Variants in COPB2 observed in about 807,000 individuals in gnomAD.
COPB2 encodes coat protein complex I subunit beta 2, also known as coatomer subunit beta'.
In COPB2, 16 loss-of-function variants were observed where a neutral mutation model predicts 120.8. That is an observed-to-expected ratio of 0.13 (90% CI 0.09 to 0.20). The LOEUF (loss-of-function observed/expected upper bound fraction) is 0.20. COPB2 is among the 10% of genes least tolerant of loss of function. The pLI is 1.00. For synonymous variants in COPB2, 332 were observed against 366.3 expected (o/e 0.91, Z 1.07); for missense variants, 794 against 1,076.5 (o/e 0.74, Z 3.67).
chr3:139,359,767 T>G (rs1941374911), intron 17 of COPB2, among the ~76,000 whole-genome samples: 1 of 152,054 alleles, frequency 6.6e-6, no homozygotes. Flanking sequence ...CAGAATACCA[T>G]GGTGTCTTAT....
At chr3:139,358,550 C>T (rs573338073) in intron 20 of COPB2, 194 bp downstream of exon 20, 17 of 605,512 alleles carry the variant, frequency 2.8e-5, no homozygotes, top group Admixed American at 1.8e-4. Flanking sequence ...CGGTGATGGG[C>T]GCCTGTAATT....
At chr3:139,371,139 G>A (rs1281177357) in intron 10 of COPB2, among the ~76,000 whole-genome samples, 1 of 152,116 alleles carries the variant, frequency 6.6e-6, no homozygotes, top group Non-Finnish European at 1.5e-5. Flanking sequence ...AGGAACCAGA[G>A]CCAATGACTA....
At position 139,369,242 on chromosome 3, in the gene COPB2, C is replaced by G; in HGVS notation, c.1401+19G>C. ...ACAAAAATAAATATTCCAAAAACAA[C>G]AATGGAGGGGAAACTCACATGTTTG... On this transcript the variant is annotated intron_variant, in intron 12 of 21. Coordinates refer to ENST00000333188, the MANE Select transcript of COPB2 (RefSeq NM_004766.3). 1 of 1,586,832 alleles carries G rather than the reference C, an allele frequency of 6.3e-7. No homozygotes were observed. Among genetic ancestry groups the G allele is most frequent in the Non-Finnish European group, 8.6e-7 (1 of 1,162,774 alleles).
chr3:139,383,352 C>T lies in COPB2; in HGVS notation c.87G>A (p.Trp29Ter). Residue 29 changes from tryptophan to a stop codon, truncating the protein, a stop_gained, in exon 2 of 22, where the codon TGG becomes TGA. Transcript: ENST00000333188. LOFTEE classifies it high-confidence loss of function. ...TGCCATTGTAAAGACTTGCCAACAT[C>T]CATGGCTCTGTAGGATGCAGATCCA... ...KSVDLHPTEPWMLASLYNGSV... is the reference protein window; with the variant it reads ...KSVDLHPTEP 1 of 1,613,396 alleles carries T rather than the reference C, an allele frequency of 6.2e-7. No individual in the cohort carries two copies. The highest frequency in any genetic ancestry group is 8.5e-7 in the Non-Finnish European group (1 of 1,179,724).
intron 5 of COPB2, among the ~76,000 whole-genome samples, chr3:139,375,996 C>A (rs1941706871): frequency 6.6e-6 from 1 of 152,122 alleles, no homozygotes; most frequent in East Asian, 1.9e-4. Flanking sequence ...CACCTGTAAT[C>A]CCAGCACTTT....
chr3:139,368,783 A>AGACCCC (rs1190603179), intron 12 of COPB2, among the ~76,000 whole-genome samples: 1 of 152,216 alleles, frequency 6.6e-6, no homozygotes, highest in Admixed American at 6.5e-5. Flanking sequence ...CTCTAGAACC[A>AGACCCC]GACCCCAGAA....
intron 16 of COPB2, among the ~76,000 whole-genome samples, chr3:139,361,686 T>C (rs1383436011): frequency 6.6e-6 from 1 of 152,212 alleles, no homozygotes; most frequent in Admixed American, 6.5e-5. Context: ...CACAATAATA[T>C]TATGTCTCAC....
chr3:139,383,810 AAAAT>A (rs60110187), intron 1 of COPB2, among the ~76,000 whole-genome samples: 57,463 of 141,876 alleles, frequency 0.41, 13,588 homozygotes, highest in Non-Finnish European at 0.56. Context: ...TCAAATAACA[AAAAT>A]AAATCCAGTA....
intron 14 of COPB2, 34 bp from the exon 15 acceptor site, chr3:139,366,809 A>G (rs1941526599): frequency 6.3e-7 from 1 of 1,599,718 alleles, no homozygotes; most frequent in African/African-American, 1.3e-5. Flanking sequence ...TTAGAAATTC[A>G]AATCTGCAAT....
At chr3:139,366,369 G>A (rs1941515053) in intron 15 of COPB2, among the ~76,000 whole-genome samples, 199 bp downstream of exon 15, 1 of 152,058 alleles carries the variant, frequency 6.6e-6, no homozygotes, top group African/African-American at 2.4e-5. Context: ...AACATTTAAA[G>A]GGGGCACTGA....
Position 139,357,907 on chromosome 3 carries a change from C to G in COPB2, c.2677G>C (p.Asp893His). The G allele has an allele frequency of 6.2e-7, 1 of 1,600,914 alleles. No individual in the cohort carries two copies. The highest frequency in any genetic ancestry group is 8.5e-7 in the Non-Finnish European group (1 of 1,170,624). The change falls in exon 22 of 22, where the codon GAC (aspartate) becomes CAC (histidine). Residue 893 changes from aspartate (D) to histidine (H), a missense_variant. By Grantham distance (81) the Asp-to-His change is moderately conservative. This residue lies in a region of COPB2 where 178 missense variants were observed against 183.2 expected (regional missense o/e 0.97). Coordinates refer to ENST00000333188, the MANE Select transcript of COPB2 (RefSeq NM_004766.3). Reference sequence around the variant, plus strand: ...TCATCCAGATTGATATCTGTTGTGTCAATATCTTCTAATTCCAAATTATCC... The same window carrying G: ...TCATCCAGATTGATATCTGTTGTGTGAATATCTTCTAATTCCAAATTATCC... Reference protein sequence around the residue: ...DLDNLELEDIDTTDINLDEDI... With the variant: ...DLDNLELEDIHTTDINLDEDI...
At chr3:139,389,116 G>A (rs1941996560) in intron 1 of COPB2, among the ~76,000 whole-genome samples, 1 of 152,188 alleles carries the variant, frequency 6.6e-6, no homozygotes, top group Admixed American at 6.5e-5. Flanking sequence ...TGGCTTCTTT[G>A]CTTGTTTATA....
intron 1 of COPB2, among the ~76,000 whole-genome samples, chr3:139,387,479 T>C (rs532559343): frequency 6.6e-6 from 1 of 152,336 alleles, no homozygotes; most frequent in African/African-American, 2.4e-5. Context: ...TAAATGCCAC[T>C]GCCACCAGTA....
chr3:139,374,048 T>C (rs1394638687), intron 7 of COPB2, among the ~76,000 whole-genome samples: 1 of 152,180 alleles, frequency 6.6e-6, no homozygotes, highest in Non-Finnish European at 1.5e-5. Context: ...AATAACAGGA[T>C]TTCCTGGGTA....
At chr3:139,382,921 T>C (rs974607268) in intron 2 of COPB2, 6 of 224,688 alleles carry the variant, frequency 2.7e-5, no homozygotes, top group South Asian at 1.2e-4. Flanking sequence ...TATCATTATA[T>C]TGGGCATCTG....
At chr3:139,378,281 A>G (rs1396355626) in intron 4 of COPB2, 92 bp from the exon 5 acceptor site, 1 of 1,208,060 alleles carries the variant, frequency 8.3e-7, no homozygotes, top group African/African-American at 1.5e-5. Context: ...ACCTAACACA[A>G]ACCATATAAT....
In COPB2 at chr3:139,359,260, A is replaced by T. The variant is rs760010737; in HGVS notation, c.2303+10T>A. On this transcript the variant is annotated intron_variant, in intron 18 of 21. Transcript: ENST00000333188. ...TGGAAACATTTCTTCCTAAAATTAAAAGTCTGTACCTTGAAACCTGACTGG... is the reference window on the plus strand; with the variant it reads ...TGGAAACATTTCTTCCTAAAATTAATAGTCTGTACCTTGAAACCTGACTGG... 68 of 1,613,302 alleles carry T rather than the reference A, an allele frequency of 4.2e-5. No individual in the cohort carries two copies. Among genetic ancestry groups the T allele is most frequent in the Non-Finnish European group, 5.5e-5 (65 of 1,179,688 alleles).
intron 5 of COPB2, among the ~76,000 whole-genome samples, chr3:139,375,965 G>A (rs1413632410): frequency 6.6e-6 from 1 of 152,138 alleles, no homozygotes; most frequent in Non-Finnish European, 1.5e-5. Context: ...TATATTAAAA[G>A]TTGCTGGGTG....
chr3:139,358,376 T>C (rs1027557479), intron 20 of COPB2, 105 bp from the exon 21 acceptor site: 1 of 1,007,996 alleles, frequency 9.9e-7, no homozygotes, highest in African/African-American at 1.6e-5. Flanking sequence ...TGGGAGATGA[T>C]GTTTAAAAGT....
Sources: gnomAD v4.1 joint callset for allele counts (sites outside exome capture counted in the v4.1 genomes callset) on GRCh38, gnomAD v4.1.1 for gene constraint, gnomAD v4.1.1 regional missense constraint, MANE v1.5 for transcripts, NCBI Gene and HGNC (gene_info 2026-07-23, HGNC 2026-07-21) for gene names.